DHRSX: variants seen among roughly 807,000 people sequenced by gnomAD.
DHRSX encodes the protein polyprenol dehydrogenase.
In DHRSX, 31 loss-of-function variants were observed where a neutral mutation model predicts 34.0. That is an observed-to-expected ratio of 0.91 (90% CI 0.69 to 1.23). The LOEUF is 1.23. Among genes scored for constraint, DHRSX ranks in the 50% most tolerant of loss-of-function variants. The pLI is 0.00. For synonymous variants in DHRSX, 201 were observed against 183.8 expected, an observed-to-expected ratio of 1.09 and a Z score of -0.76; for missense variants, 414 against 428.1, an observed-to-expected ratio of 0.97 and a Z score of 0.29.
intron 1 of DHRSX, chrX:2,489,677 C>T (rs1402264094): frequency 1.9e-6 from 3 of 1,612,622 alleles, no homozygotes; most frequent in Non-Finnish European, 2.5e-6. Context: ...GACGCGGTTG[C>T]TCACCAGCAT....
In DHRSX at chrX:2,259,141, C is replaced by T. The variant is rs190932796; in HGVS notation, c.596+7599G>A. Among the ~76,000 whole-genome samples, 684 of 151,834 alleles carry T rather than the reference C, an allele frequency of 4.5e-3. 4 individuals carry two copies. Among genetic ancestry groups the T allele is most frequent in the Middle Eastern group, 0.014 (4 of 294 alleles). ...TATAAAAATTATCTGGGCGTGATGG[C>T]GCATGCCTGTAATCCCAGCTACTCA... On this transcript the variant is annotated intron_variant, in intron 5 of 6. Transcript: ENST00000334651.
chrX:2,292,517 T>C (rs144716196), intron 3 of DHRSX, among the ~76,000 whole-genome samples: 34 of 152,226 alleles, frequency 2.2e-4, no homozygotes, highest in Non-Finnish European at 4.1e-4. Context: ...ACACAGCATA[T>C]GTAACTGATA....
At chrX:2,338,248 G>A (rs151313707) in intron 3 of DHRSX, among the ~76,000 whole-genome samples, 2,134 of 151,894 alleles carry the variant, frequency 0.014, 56 homozygotes, top group African/African-American at 0.049. Context: ...CAGGAGAATC[G>A]CTTGAACCTG....
chrX:2,249,356 CTT>C (rs765751396), intron 5 of DHRSX, among the ~76,000 whole-genome samples: 10 of 133,368 alleles, frequency 7.5e-5, no homozygotes, highest in African/African-American at 5.7e-5. Context: ...CCATGCCCGG[CTT>C]TTTTTTTTTT....
intron 3 of DHRSX, among the ~76,000 whole-genome samples, chrX:2,347,867 G>A (rs1439992055): frequency 6.6e-6 from 1 of 152,172 alleles, no homozygotes; most frequent in Non-Finnish European, 1.5e-5. Flanking sequence ...GCATCCATCT[G>A]CAGTTAGACT....
chrX:2,244,932 G>C (rs1179151557), intron 5 of DHRSX, among the ~76,000 whole-genome samples: 4 of 151,840 alleles, frequency 2.6e-5, no homozygotes, highest in Non-Finnish European at 5.9e-5. Flanking sequence ...GGATGGTCTC[G>C]ATCTCCTGAC....
chrX:2,315,680 C>G (rs184670738), intron 3 of DHRSX, among the ~76,000 whole-genome samples: 1 of 152,226 alleles, frequency 6.6e-6, no homozygotes, highest in Admixed American at 6.5e-5. Flanking sequence ...TTTATGATCT[C>G]ACAGTTCTGT....
chrX:2,267,314 C>T (rs2041488367), intron 4 of DHRSX, among the ~76,000 whole-genome samples: 1 of 152,126 alleles, frequency 6.6e-6, no homozygotes, highest in African/African-American at 2.4e-5. Flanking sequence ...GAGGCCAAGG[C>T]GGGTGGATCA....
intron 3 of DHRSX, among the ~76,000 whole-genome samples, chrX:2,378,968 G>A (rs1300299215): frequency 2.0e-5 from 3 of 152,206 alleles, no homozygotes; most frequent in South Asian, 2.1e-4. Flanking sequence ...CACCGCGCCC[G>A]GCCTTTGGCT....
chrX:2,316,674 TG>T (rs1220056889), intron 3 of DHRSX, among the ~76,000 whole-genome samples: 1 of 152,328 alleles, frequency 6.6e-6, no homozygotes, highest in East Asian at 1.9e-4. Context: ...CCAGCACAGA[TG>T]ATCTCTCCTT....
intron 3 of DHRSX, among the ~76,000 whole-genome samples, chrX:2,292,570 G>A (rs1051312027): frequency 6.6e-6 from 1 of 151,812 alleles, no homozygotes; most frequent in Non-Finnish European, 1.5e-5. Flanking sequence ...TTCTGCAGTA[G>A]AGGAATATAG....
chrX:2,382,627 T>TCAC lies in DHRSX; in HGVS notation c.286+26115_286+26117dup, dbSNP rs757928142. Among the ~76,000 whole-genome samples, 856 of 62,248 alleles carry TCAC rather than the reference T, an allele frequency of 0.014. 26 individuals are homozygous for TCAC. The East Asian group carries it at 0.15, about 11-fold the overall frequency. 40.8% of individuals were successfully genotyped at this position (62,248 alleles called of 152,430 possible). A position where few individuals can be genotyped will look rare whatever the true frequency, so the allele number is the denominator to read the frequency against. ...ACCATCACCATCATCACCACCATCA[T>TCAC]CACCATCATCACCATCACCATCATC... On this transcript the variant is annotated intron_variant, in intron 3 of 6. Coordinates refer to ENST00000334651, the MANE Select transcript of DHRSX (RefSeq NM_145177.3).
chrX:2,425,861 C>T (rs1316852719), intron 1 of DHRSX, among the ~76,000 whole-genome samples: 3 of 152,058 alleles, frequency 2.0e-5, no homozygotes, highest in Non-Finnish European at 4.4e-5. Flanking sequence ...CAAAGGAGAC[C>T]AGAGCTCTCA....
intron 1 of DHRSX, among the ~76,000 whole-genome samples, chrX:2,444,760 A>G (rs1230329612): frequency 6.6e-6 from 1 of 152,072 alleles, no homozygotes; most frequent in Non-Finnish European, 1.5e-5. Flanking sequence ...GCTTGAGTCC[A>G]GGAGGTCAAA....
At chrX:2,447,946 A>G (rs59140057) in intron 1 of DHRSX, among the ~76,000 whole-genome samples, 41,735 of 147,832 alleles carry the variant, frequency 0.28, 6,321 homozygotes, top group South Asian at 0.4. Flanking sequence ...CGGAATCACA[A>G]TGCTATGGAA....
intron 3 of DHRSX, among the ~76,000 whole-genome samples, chrX:2,300,790 G>A (rs1339291828): frequency 6.6e-5 from 10 of 152,088 alleles, no homozygotes; most frequent in Admixed American, 6.6e-4. Context: ...TATTTATCCT[G>A]TTAGTTATAT....
intron 4 of DHRSX, among the ~76,000 whole-genome samples, chrX:2,275,343 C>A (rs1156486940): frequency 2.5e-3 from 322 of 127,222 alleles, no homozygotes; most frequent in Non-Finnish European, 3.9e-3. Flanking sequence ...ACTAAAAATA[C>A]AAAAAAAAAA....
chrX:2,314,208 GGGAGGGAA>G (rs1323286292), intron 3 of DHRSX, among the ~76,000 whole-genome samples: 50 of 19,926 alleles, frequency 2.5e-3, no homozygotes, highest in African/African-American at 0.01. Context: ...AAGGAAGAGA[GGGAGGGAA>G]GGAGGGAAGG....
intron 1 of DHRSX, among the ~76,000 whole-genome samples, chrX:2,469,172 C>T (rs2066483652): frequency 1.3e-5 from 2 of 152,020 alleles, no homozygotes. Flanking sequence ...CGAAGACGTT[C>T]CCTAAGAATG....
Sources: allele counts gnomAD v4.1 joint callset (sites outside exome capture counted in the v4.1 genomes callset), GRCh38; gene constraint gnomAD v4.1.1; transcripts MANE v1.5; gene names NCBI Gene and HGNC (gene_info 2026-07-23, HGNC 2026-07-21).